BCL9: variants seen among roughly 807,000 people sequenced by gnomAD.
The protein encoded by BCL9 is B-cell CLL/lymphoma 9 protein.
Under a neutral mutation model 88.5 loss-of-function variants are expected in BCL9, and 25 were observed. The observed-to-expected ratio is 0.28, with a 90% confidence interval of 0.21 to 0.39. The LOEUF is 0.39. BCL9 is among the 10% of genes least tolerant of loss of function. The pLI is 1.00. For synonymous variants in BCL9, 711 were observed against 673.3 expected, an observed-to-expected ratio of 1.06 and a Z score of -0.87; for missense variants, 1,817 against 1,877.8, an observed-to-expected ratio of 0.97 and a Z score of 0.60.
At chr1:147,606,122 T>A (rs1211568082) in intron 2 of BCL9, among the ~76,000 whole-genome samples, 1 of 152,216 alleles carries the variant, frequency 6.6e-6, no homozygotes, top group African/African-American at 2.4e-5. Flanking sequence ...CTCAGTGTCA[T>A]AATTCTAGTT....
At chr1:147,576,275 A>G (rs1164487046) in intron 1 of BCL9, among the ~76,000 whole-genome samples, 4 of 152,216 alleles carry the variant, frequency 2.6e-5, no homozygotes, top group African/African-American at 9.6e-5. Context: ...TGTCTAAGTG[A>G]AAAGGCCCCT....
chr1:147,612,252 G>A (rs1358302339), intron 4 of BCL9, among the ~76,000 whole-genome samples: 1 of 152,168 alleles, frequency 6.6e-6, no homozygotes, highest in Non-Finnish European at 1.5e-5. Context: ...GAACTAAAAC[G>A]TTATTCCCCG....
rs1658450393 is a variant in BCL9, at chr1:147,619,036, GC to G, written c.882del (p.Ser295ProfsTer20). The G allele has an allele frequency of 6.2e-7, 1 of 1,610,186 alleles. No homozygotes were observed. Among genetic ancestry groups the G allele is most frequent in the Non-Finnish European group, 8.5e-7 (1 of 1,177,858 alleles). Reference protein sequence around the residue: ...KLIPSVGSPASSTPLPPDGTG... With the variant: ...KLIPSVGSPAXSTPLPPDGTG... The stretch of plus-strand genomic sequence containing the variant: ...ATTCCTTCTGTAGGAAGTCCTGCCA[GC>G]TCCACTCCACTGCCCCCAGATGGTA... On this transcript the variant is annotated frameshift_variant, in exon 8 of 10. Coordinates refer to ENST00000234739, the MANE Select transcript of BCL9 (RefSeq NM_004326.4). LOFTEE classifies it high-confidence loss of function. This position sits in a 1 kb window ranked among gnomAD's most constrained non-coding sequence, Gnocchi z 4.1.
chr1:147,554,925 T>C (rs1432571361), intron 1 of BCL9, among the ~76,000 whole-genome samples: 1 of 152,210 alleles, frequency 6.6e-6, no homozygotes, highest in Non-Finnish European at 1.5e-5. Context: ...ACCACCTTTC[T>C]TTCTCTTCAA....
chr1:147,587,129 G>C (rs2101562430), intron 1 of BCL9, among the ~76,000 whole-genome samples: 1 of 151,542 alleles, frequency 6.6e-6, no homozygotes, highest in East Asian at 2.0e-4. Context: ...CACTTACTCC[G>C]TGCCACATTC....
chr1:147,614,730 A>T (rs1192585948), intron 6 of BCL9, 114 bp downstream of exon 6: 13 of 1,183,190 alleles, frequency 1.1e-5, no homozygotes, highest in South Asian at 1.8e-5. Flanking sequence ...TACAGATAAA[A>T]CATAAAACCT....
intron 2 of BCL9, 138 bp from the exon 3 acceptor site, chr1:147,606,646 G>C (rs1557850487): frequency 1.3e-5 from 2 of 152,180 alleles, no homozygotes; most frequent in African/African-American, 2.4e-5. Context: ...CTATTTGTGT[G>C]GGGGATGACA....
intron 1 of BCL9, among the ~76,000 whole-genome samples, chr1:147,548,869 A>G (rs1187724542): frequency 6.6e-6 from 1 of 152,166 alleles, no homozygotes; most frequent in East Asian, 1.9e-4. Flanking sequence ...TGCATTAAAG[A>G]AAGGAAATTT....
intron 1 of BCL9, among the ~76,000 whole-genome samples, chr1:147,555,135 C>T (rs587767918): frequency 6.6e-5 from 10 of 152,088 alleles, no homozygotes; most frequent in East Asian, 1.9e-4. Flanking sequence ...TGCTATTATC[C>T]TCATCTTTCA....
chr1:147,583,020 T>C (rs1425566310), intron 1 of BCL9, among the ~76,000 whole-genome samples: 2 of 152,184 alleles, frequency 1.3e-5, no homozygotes, highest in African/African-American at 4.8e-5. Flanking sequence ...TCATGAAAAA[T>C]ACAATTAACT....
At chr1:147,578,865 C>CTTTTTTT (rs71791821) in intron 1 of BCL9, among the ~76,000 whole-genome samples, 1 of 150,456 alleles carries the variant, frequency 6.6e-6, no homozygotes, top group African/African-American at 2.4e-5. Flanking sequence ...GGTTTTCTTT[C>CTTTTTTT]TTTTTTTTTC....
chr1:147,614,169 G>A (rs1477767881), intron 5 of BCL9, among the ~76,000 whole-genome samples: 1 of 152,176 alleles, frequency 6.6e-6, no homozygotes, highest in Admixed American at 6.5e-5. Flanking sequence ...GTTTCAAAAA[G>A]GTTACCAGAA....
At chr1:147,545,573 T>C (rs934948431) in intron 1 of BCL9, among the ~76,000 whole-genome samples, 23 of 152,312 alleles carry the variant, frequency 1.5e-4, no homozygotes, top group African/African-American at 5.3e-4. Context: ...AAAGGTGCAA[T>C]GTGTAGGTAC....
rs782019322 is a variant in BCL9, at chr1:147,613,145, G to A, written c.316G>A (p.Asp106Asn). 2.7e-5 allele frequency: 44 copies of A among 1,614,040 alleles called. No homozygotes were observed. Among genetic ancestry groups the A allele is most frequent in the Non-Finnish European group, 3.3e-5 (39 of 1,180,048 alleles). ...KGKRERSISADSFDQRDPGTP... is the reference protein window; with the variant it reads ...KGKRERSISANSFDQRDPGTP... ...GAAAAGGGAGCGAAGTATTTCCGCC[G>A]ACTCCTTTGATCAGAGAGATCCTGG... Residue 106 changes from aspartate to asparagine, a missense_variant, in exon 5 of 10, where the codon GAC becomes AAC. This residue lies in a region of BCL9 where 1,228 missense variants were observed against 1,191.6 expected (regional missense o/e 1.03). Transcript: ENST00000234739.
rs587725937 is a variant in BCL9, at chr1:147,564,455, C to A, written c.-478+22781C>A. ...GAGGTTGTACTGCCCGTGAAAGGAA[C>A]TGGAAAAATAAAGTCTGAAGTGATT... is the stretch of plus-strand genomic sequence containing the variant. On this transcript the variant is annotated intron_variant, in intron 1 of 9. Coordinates refer to ENST00000234739, the MANE Select transcript of BCL9 (RefSeq NM_004326.4). Among the ~76,000 whole-genome samples, 98 of 152,098 alleles carry A rather than the reference C, an allele frequency of 6.4e-4. 3 individuals carry two copies. The South Asian group carries it at 0.019, about 30-fold the overall frequency.
Position 147,625,327 on chromosome 1 carries a change from T to G in BCL9, c.*368T>G, listed in dbSNP as rs1658888223. The G allele has an allele frequency of 3.7e-6, 1 of 267,264 alleles. No individual in the cohort carries two copies. 16.6% of individuals were successfully genotyped at this position (267,264 alleles called of 1,614,324 possible). A position where few individuals can be genotyped will look rare whatever the true frequency, so the allele number is the denominator to read the frequency against. On this transcript the variant is annotated 3_prime_UTR_variant, in exon 10 of 10. Transcript: ENST00000234739. ...GGACTGGCTTCTCCCAGGATTCTTT[T>G]CTGTTTTTGTTTTTTTGATTTGGGC...
rs782455883 is a variant in BCL9 at position 147,619,881 on chromosome 1, C to T, written c.1726C>T (p.Pro576Ser). 6.2e-7 allele frequency: 1 copy of T among 1,614,162 alleles called. No homozygotes were observed. The highest frequency in any genetic ancestry group is 1.7e-5 in the Admixed American group (1 of 60,024). Reference sequence around the variant, plus strand: ...CATGATAAACTCTGAAATGGAAGGGCCGAATGTCCCCAACCCTGCATCTAG... The same window carrying T: ...CATGATAAACTCTGAAATGGAAGGGTCGAATGTCCCCAACCCTGCATCTAG... ...AGMINSEMEG[P>S]NVPNPASRPG... Residue 576 changes from proline (P) to serine (S), a missense_variant, in exon 8 of 10, where the codon CCG (proline) becomes TCG (serine). Pro to Ser is a moderately conservative substitution (Grantham distance 74). This residue lies in a region of BCL9 where 1,228 missense variants were observed against 1,191.6 expected (regional missense o/e 1.03). Transcript: ENST00000234739. This position sits in a 1 kb window ranked among gnomAD's most constrained non-coding sequence, Gnocchi z 4.1.
chr1:147,546,990 C>G (rs1450185649), intron 1 of BCL9, among the ~76,000 whole-genome samples: 1 of 57,384 alleles, frequency 1.7e-5, no homozygotes, highest in Non-Finnish European at 3.2e-5. Flanking sequence ...CAGGCTTTTC[C>G]ATAAAAATCG....
chr1:147,572,268 C>CA (rs1655921431), intron 1 of BCL9, among the ~76,000 whole-genome samples: 1 of 151,460 alleles, frequency 6.6e-6, no homozygotes, highest in Non-Finnish European at 1.5e-5. Flanking sequence ...AAAACAAAAA[C>CA]AAAACAAAAA....
Sources: allele counts gnomAD v4.1 joint callset (sites outside exome capture counted in the v4.1 genomes callset), GRCh38; gene constraint gnomAD v4.1.1; regional missense constraint gnomAD v4.1.1; non-coding constraint Gnocchi (gnomAD v3.1); transcripts MANE v1.5; gene names NCBI Gene and HGNC (gene_info 2026-07-23, HGNC 2026-07-21).